DNAJC15: variants seen among roughly 807,000 people sequenced by gnomAD.
DNAJC15 encodes dnaJ homolog subfamily C member 15.
Under a neutral mutation model 22.4 loss-of-function variants are expected in DNAJC15, and 27 were observed. That is an observed-to-expected ratio of 1.20 (90% CI 0.89 to 1.66). The LOEUF (loss-of-function observed/expected upper bound fraction) is 1.66. Among genes scored for constraint, DNAJC15 ranks in the 40% most tolerant of loss-of-function variants. The pLI is 0.00. For synonymous variants in DNAJC15, 79 were observed against 63.2 expected (o/e 1.25, Z -1.19); for missense variants, 208 against 187.1 (o/e 1.11, Z -0.65).
chr13:43,088,730 A>G (rs2040700732), intron 5 of DNAJC15, among the ~76,000 whole-genome samples: 1 of 152,156 alleles, frequency 6.6e-6, no homozygotes, highest in Non-Finnish European at 1.5e-5. Context: ...ATATATTGTA[A>G]TTTCTTACAG....
At chr13:43,080,594 T>TG (rs1302263525) in intron 4 of DNAJC15, among the ~76,000 whole-genome samples, 1 of 152,284 alleles carries the variant, frequency 6.6e-6, no homozygotes, top group African/African-American at 2.4e-5. Context: ...GCCCTGAGTC[T>TG]GTCGCTTAGG....
intron 5 of DNAJC15, among the ~76,000 whole-genome samples, chr13:43,095,189 A>G (rs1348138560): frequency 6.6e-6 from 1 of 152,208 alleles, no homozygotes. Flanking sequence ...ATGAGTGAGA[A>G]ATAATGATGA....
intron 1 of DNAJC15, among the ~76,000 whole-genome samples, chr13:43,044,887 CT>C (rs1408118917): frequency 1.3e-5 from 2 of 152,030 alleles, no homozygotes; most frequent in Non-Finnish European, 2.9e-5. Context: ...TTTTAATAGA[CT>C]TACAACTCAT....
At chr13:43,023,851 G>T (rs888606039) in intron 1 of DNAJC15, 117 bp downstream of exon 1, 2 of 980,514 alleles carry the variant, frequency 2.0e-6, no homozygotes, top group Admixed American at 2.5e-5. Flanking sequence ...CACGGTCTGT[G>T]CCCTAGCGCT....
Position 43,107,583 on chromosome 13 carries a change from A to C in DNAJC15, c.*335A>C, listed in dbSNP as rs991985941. The C allele has an allele frequency of 1.2e-5, 2 of 166,892 alleles. No homozygotes were observed. The highest frequency in any genetic ancestry group is 2.6e-5 in the Non-Finnish European group (2 of 78,196). The allele number at this position is 166,892 out of a possible 1,614,324, so 10.3% of individuals were successfully genotyped here. ...TGCAAAAAATATGATCAAGAATGCA[A>C]TTGGGATTTGTGAGCAATGAGTAGA... On this transcript the variant is annotated 3_prime_UTR_variant, in exon 6 of 6. Coordinates refer to ENST00000379221, the MANE Select transcript of DNAJC15 (RefSeq NM_013238.3).
chr13:43,094,801 C>A (rs1270435385), intron 5 of DNAJC15, among the ~76,000 whole-genome samples: 5 of 152,132 alleles, frequency 3.3e-5, no homozygotes, highest in African/African-American at 1.2e-4. Context: ...TTGCCTGCCC[C>A]CAGCAGCAGC....
intron 1 of DNAJC15, among the ~76,000 whole-genome samples, chr13:43,043,542 A>C (rs1160512273): frequency 1.3e-5 from 2 of 152,236 alleles, no homozygotes; most frequent in Non-Finnish European, 2.9e-5. Flanking sequence ...TGACAGTGTG[A>C]AAAAGATTAT....
chr13:43,030,462 T>C (rs555612230), intron 1 of DNAJC15, among the ~76,000 whole-genome samples: 156 of 152,314 alleles, frequency 1.0e-3, no homozygotes, highest in African/African-American at 3.4e-3. Flanking sequence ...ACTGAACACA[T>C]AGACAATAAA....
chr13:43,025,414 T>C (rs897253721), intron 1 of DNAJC15, among the ~76,000 whole-genome samples: 2 of 152,150 alleles, frequency 1.3e-5, no homozygotes, highest in African/African-American at 2.4e-5. Context: ...GAGTACCACA[T>C]AGGAAGCATC....
intron 4 of DNAJC15, among the ~76,000 whole-genome samples, chr13:43,079,635 A>C (rs545061785): frequency 2.6e-5 from 4 of 152,280 alleles, no homozygotes; most frequent in African/African-American, 9.6e-5. Flanking sequence ...TATCATTCAG[A>C]ATGGCATTGT....
intron 5 of DNAJC15, among the ~76,000 whole-genome samples, chr13:43,088,477 A>T (rs1423475434): frequency 6.6e-6 from 1 of 152,168 alleles, no homozygotes; most frequent in Non-Finnish European, 1.5e-5. Context: ...TCTAACTACT[A>T]GAAAGTTCTT....
intron 5 of DNAJC15, among the ~76,000 whole-genome samples, chr13:43,095,852 T>C (rs2040737163): frequency 6.6e-6 from 1 of 152,190 alleles, no homozygotes; most frequent in East Asian, 1.9e-4. Context: ...AAAAACAGTT[T>C]TAATTGGTGC....
intron 1 of DNAJC15, among the ~76,000 whole-genome samples, chr13:43,047,373 G>A (rs2040483276): frequency 6.6e-6 from 1 of 152,094 alleles, no homozygotes. Flanking sequence ...GTTTTGTTTG[G>A]GTGAGAGGTG....
At chr13:43,034,464 C>A (rs930613678) in intron 1 of DNAJC15, among the ~76,000 whole-genome samples, 2 of 150,228 alleles carry the variant, frequency 1.3e-5, no homozygotes, top group African/African-American at 4.9e-5. Context: ...TACAGGTGCC[C>A]ACCACCGCGC....
intron 5 of DNAJC15, among the ~76,000 whole-genome samples, chr13:43,106,583 T>A (rs184445788): frequency 8.5e-4 from 130 of 152,118 alleles, no homozygotes; most frequent in Non-Finnish European, 1.2e-3. Context: ...ACAAAAAAAA[T>A]TTTTTGACAT....
intron 2 of DNAJC15, 28 bp from the exon 3 acceptor site, chr13:43,068,902 A>T: frequency 6.3e-7 from 1 of 1,591,634 alleles, no homozygotes; most frequent in Non-Finnish European, 8.6e-7. Context: ...TAGAAAATAC[A>T]TTTGCTTTTA....
chr13:43,023,786 C>A, intron 1 of DNAJC15, 52 bp downstream of exon 1: 1 of 1,492,682 alleles, frequency 6.7e-7, no homozygotes, highest in Non-Finnish European at 9.1e-7. Flanking sequence ...GTAGTTTCTG[C>A]TTCAGCCCCC....
intron 5 of DNAJC15, among the ~76,000 whole-genome samples, chr13:43,096,683 T>C (rs746737447): frequency 6.6e-6 from 1 of 152,256 alleles, no homozygotes; most frequent in Admixed American, 6.5e-5. Context: ...AGTTTAAAAA[T>C]GGCCACAGAT....
At chr13:43,093,661 C>A (rs1344256468) in intron 5 of DNAJC15, among the ~76,000 whole-genome samples, 1 of 152,186 alleles carries the variant, frequency 6.6e-6, no homozygotes, top group African/African-American at 2.4e-5. Flanking sequence ...GCCGTCCTGC[C>A]ACCTTGGCCT....
Sources: gnomAD v4.1 joint callset for allele counts (sites outside exome capture counted in the v4.1 genomes callset) on GRCh38, gnomAD v4.1.1 for gene constraint, MANE v1.5 for transcripts, NCBI Gene and HGNC (gene_info 2026-07-23, HGNC 2026-07-21) for gene names.